AKAP12: variants seen among roughly 807,000 people sequenced by gnomAD.
AKAP12 encodes the protein A-kinase anchor protein 12.
A neutral mutation model predicts 79.9 loss-of-function variants in AKAP12; 32 were observed. That is an observed-to-expected ratio of 0.40 (90% confidence interval 0.30 to 0.54). The LOEUF is 0.54. AKAP12 is among the 20% of genes least tolerant of loss of function. The pLI is 0.48. For synonymous variants in AKAP12, 808 were observed against 857.0 expected, an observed-to-expected ratio of 0.94 and a Z score of 1.00; for missense variants, 2,074 against 2,177.0, an observed-to-expected ratio of 0.95 and a Z score of 0.94.
At position 151,350,626 on chromosome 6, in the gene AKAP12, G is replaced by A. The variant is rs774815770; in HGVS notation, c.2235G>A (p.Glu745=). 25 of 1,613,930 alleles carry A rather than the reference G, an allele frequency of 1.5e-5. No homozygotes were observed. Among genetic ancestry groups the A allele is most frequent in the Non-Finnish European group, 2.1e-5 (25 of 1,180,022 alleles). Residue 745 remains glutamate, a synonymous_variant, in exon 4 of 5, where the codon GAG becomes GAA. Coordinates refer to ENST00000402676, the MANE Select transcript of AKAP12 (RefSeq NM_005100.4). The surrounding 1 kb of genome is among the most constrained non-coding windows in gnomAD (Gnocchi z 4.8). ...HDPGQGSSSP[E]QAGSPTEGEG... ...CAGGGCAGGGAAGTTCCTCCCCGGA[G>A]CAAGCTGGAAGCCCTACCGAAGGGG...
intron 3 of AKAP12, among the ~76,000 whole-genome samples, chr6:151,327,480 T>C (rs1777558725): frequency 6.6e-6 from 1 of 152,228 alleles, no homozygotes; most frequent in African/African-American, 2.4e-5. Flanking sequence ...ATGTGTATTG[T>C]AGGGAGTCAC....
chr6:151,318,900 T>C (rs1352226121), intron 3 of AKAP12, among the ~76,000 whole-genome samples: 1 of 151,730 alleles, frequency 6.6e-6, no homozygotes, highest in African/African-American at 2.4e-5. Flanking sequence ...TCTCACCATT[T>C]ACACTGTAGC....
chr6:151,348,595 C>T (rs975538934), intron 3 of AKAP12, 116 bp from the exon 4 acceptor site: 2 of 763,026 alleles, frequency 2.6e-6, no homozygotes, highest in Admixed American at 2.8e-5. Flanking sequence ...GCCGAGACCA[C>T]ACCACTGCCC....
chr6:151,259,509 TATACACACACACACACAC>T (rs1383776181), intron 2 of AKAP12, among the ~76,000 whole-genome samples: 1 of 92,080 alleles, frequency 1.1e-5, no homozygotes, highest in African/African-American at 4.0e-5. Context: ...TGTATATATA[TATACACACACACACACAC>T]ACACACACAC....
intron 2 of AKAP12, among the ~76,000 whole-genome samples, chr6:151,240,980 G>A (rs1254755062): frequency 6.6e-6 from 1 of 152,292 alleles, no homozygotes; most frequent in African/African-American, 2.4e-5. Context: ...TGCGCCATGC[G>A]CAATAATAAA....
At chr6:151,343,005 C>T (rs1003398047) in intron 3 of AKAP12, among the ~76,000 whole-genome samples, 4 of 152,160 alleles carry the variant, frequency 2.6e-5, no homozygotes, top group Admixed American at 1.3e-4. Context: ...TCAAGTAAAC[C>T]GCCTGCCTCA....
intron 2 of AKAP12, among the ~76,000 whole-genome samples, chr6:151,299,994 G>A (rs531342989): frequency 2.4e-4 from 36 of 152,248 alleles, no homozygotes; most frequent in Middle Eastern, 3.4e-3. Context: ...GAATGGCATG[G>A]TGTAGCTAAT....
intron 3 of AKAP12, among the ~76,000 whole-genome samples, chr6:151,345,932 T>TGTGAGAGAGAGAGAGAGA (rs1349850485): frequency 3.0e-4 from 30 of 101,438 alleles, no homozygotes; most frequent in African/African-American, 1.3e-3. Flanking sequence ...TGTGTGTGTG[T>TGTGAGAGAGAGAGAGAGA]GAGAGAGAGA....
chr6:151,341,709 C>T, intron 3 of AKAP12: 1 of 1,257,426 alleles, frequency 8.0e-7, no homozygotes, highest in South Asian at 1.3e-5. Flanking sequence ...TGCACCCAAG[C>T]GGCAGTTCGC....
chr6:151,331,233 A>G (rs1777657195), intron 3 of AKAP12, among the ~76,000 whole-genome samples: 1 of 111,560 alleles, frequency 9.0e-6, no homozygotes, highest in Non-Finnish European at 1.6e-5. Flanking sequence ...TTAATATTCC[A>G]TAGGACTTTT....
At chr6:151,306,275 T>C (rs1582870234) in intron 3 of AKAP12, among the ~76,000 whole-genome samples, 1 of 152,334 alleles carries the variant, frequency 6.6e-6, no homozygotes, top group East Asian at 1.9e-4. Flanking sequence ...ATAGGCGCAT[T>C]GCAAGGCACG....
chr6:151,352,571 G>A lies in AKAP12; in HGVS notation c.4180G>A (p.Gly1394Arg), dbSNP rs1700545173. 1 of 1,614,050 alleles carries A rather than the reference G, an allele frequency of 6.2e-7. No homozygotes were observed. Among genetic ancestry groups the A allele is most frequent in the African/African-American group, 1.3e-5 (1 of 74,922 alleles). The part of the protein sequence containing the change: ...DGAKEVSSLE[G>R]SPPPCLGQEE... Reference sequence around the variant, plus strand: ...GGCAAAGGAAGTCAGCAGTTTGGAAGGAAGCCCTCCTCCCTGCCTAGGTCA... The same window carrying A: ...GGCAAAGGAAGTCAGCAGTTTGGAAAGAAGCCCTCCTCCCTGCCTAGGTCA... The change falls in exon 4 of 5, where the codon GGA (glycine) becomes AGA (arginine). Residue 1394 changes from glycine to arginine, a missense_variant. By Grantham distance (125) the Gly-to-Arg change is moderately radical. Around this residue, in one of 3 missense-constraint regions of AKAP12, gnomAD observed 614 missense variants for 665.6 expected, o/e 0.92. Coordinates refer to ENST00000402676, the MANE Select transcript of AKAP12 (RefSeq NM_005100.4).
chr6:151,270,913 A>G (rs1776167380), intron 2 of AKAP12, among the ~76,000 whole-genome samples: 1 of 152,214 alleles, frequency 6.6e-6, no homozygotes, highest in Non-Finnish European at 1.5e-5. Flanking sequence ...AGTGAGCATT[A>G]TGCACTCGTA....
intron 2 of AKAP12, among the ~76,000 whole-genome samples, chr6:151,299,091 T>C (rs555730861): frequency 1.3e-5 from 2 of 152,302 alleles, no homozygotes; most frequent in South Asian, 4.1e-4. Context: ...GATACATGTG[T>C]TCTCTGTCAG....
chr6:151,241,175 G>C (rs1484548608), intron 2 of AKAP12, among the ~76,000 whole-genome samples: 1 of 152,224 alleles, frequency 6.6e-6, no homozygotes, highest in Non-Finnish European at 1.5e-5. Flanking sequence ...GCCCGCCGGG[G>C]AGCCCAGCCA....
At chr6:151,262,714 C>G (rs1481177675) in intron 2 of AKAP12, among the ~76,000 whole-genome samples, 2 of 152,010 alleles carry the variant, frequency 1.3e-5, no homozygotes, top group African/African-American at 4.8e-5. Flanking sequence ...TGTTTTTCTT[C>G]TTCCCTCCCC....
chr6:151,241,013 C>T (rs922955866), intron 2 of AKAP12, among the ~76,000 whole-genome samples: 10 of 152,178 alleles, frequency 6.6e-5, no homozygotes, highest in African/African-American at 2.4e-4. Context: ...CCCACGGCGG[C>T]TGAGCCTTTC....
Position 151,350,867 on chromosome 6 carries a change from G to T in AKAP12, c.2476G>T (p.Ala826Ser). The T allele has an allele frequency of 6.2e-7, 1 of 1,614,062 alleles. No homozygotes were observed. Among genetic ancestry groups the T allele is most frequent in the Non-Finnish European group, 8.5e-7 (1 of 1,180,016 alleles). ...KKRPDGKQEQAPVEDAGPTGA... is the reference protein window; with the variant it reads ...KKRPDGKQEQSPVEDAGPTGA... ...AAGGCCAGATGGGAAACAAGAACAA[G>T]CCCCTGTTGAAGACGCAGGGCCAAC... The change falls in exon 4 of 5, where the codon GCC becomes TCC. Residue 826 changes from alanine to serine, a missense_variant. By Grantham distance (99) the Ala-to-Ser change is moderately conservative. Transcript: ENST00000402676. The surrounding 1 kb of genome is among the most constrained non-coding windows in gnomAD (Gnocchi z 4.8).
At chr6:151,264,837 T>A (rs1425603066) in intron 2 of AKAP12, among the ~76,000 whole-genome samples, 1 of 152,028 alleles carries the variant, frequency 6.6e-6, no homozygotes, top group East Asian at 1.9e-4. Context: ...CTTAAATCTG[T>A]GGGAAAATAA....
Sources: gnomAD v4.1 joint callset for allele counts (sites outside exome capture counted in the v4.1 genomes callset) on GRCh38, gnomAD v4.1.1 for gene constraint, gnomAD v4.1.1 regional missense constraint, Gnocchi (gnomAD v3.1) non-coding constraint, MANE v1.5 for transcripts, NCBI Gene and HGNC (gene_info 2026-07-23, HGNC 2026-07-21) for gene names.